NDUFA8: variants seen among roughly 807,000 people sequenced by gnomAD.
NDUFA8 encodes the protein NADH:ubiquinone oxidoreductase subunit A8, also known as NADH dehydrogenase [ubiquinone] 1 alpha subcomplex subunit 8.
Under a neutral mutation model 20.9 loss-of-function variants are expected in NDUFA8, and 16 were observed. The ratio of observed to expected loss-of-function variants is 0.77; its 90% CI spans 0.52 to 1.16. NDUFA8 has a LOEUF of 1.16. Among genes scored for constraint, NDUFA8 ranks in the 50% most tolerant of loss-of-function variants. NDUFA8 has a pLI of 0.00. For synonymous variants in NDUFA8, 70 were observed against 76.1 expected, an observed-to-expected ratio of 0.92 and a Z score of 0.41; for missense variants, 202 against 216.4, an observed-to-expected ratio of 0.93 and a Z score of 0.42.
chr9:122,144,457 G>T, intron 3 of NDUFA8, 79 bp from the exon 4 acceptor site: 2 of 1,328,558 alleles, frequency 1.5e-6, no homozygotes, highest in Non-Finnish European at 1.1e-6. Flanking sequence ...GCCTCCTGGT[G>T]TCTCCTCATT....
At chr9:122,144,736 T>C (rs1828876218) in intron 3 of NDUFA8, among the ~76,000 whole-genome samples, 1 of 152,168 alleles carries the variant, frequency 6.6e-6, no homozygotes, top group Non-Finnish European at 1.5e-5. Flanking sequence ...GAGCAAGGAC[T>C]GTGCACATCT....
chr9:122,142,825 C>A (rs1221056417), downstream of NDUFA8, among the ~76,000 whole-genome samples: 11 of 152,176 alleles, frequency 7.2e-5, no homozygotes, highest in African/African-American at 2.4e-4. Context: ...CATATAAACA[C>A]CAATCTGCAG....
At chr9:122,148,373 T>C (rs902740255) in intron 2 of NDUFA8, 96 bp from the exon 3 acceptor site, 1 of 1,418,968 alleles carries the variant, frequency 7.0e-7, no homozygotes, top group African/African-American at 1.4e-5. Context: ...ATACATAGCC[T>C]TGCTTTTTGA....
chr9:122,152,398 C>A lies in NDUFA8; in HGVS notation c.62G>T (p.Ser21Ile). The change falls in exon 2 of 4, where the codon AGT becomes ATT. Residue 21 changes from serine to isoleucine, a missense_variant. Ser to Ile is a moderately radical substitution (Grantham distance 142). Coordinates refer to ENST00000373768, the MANE Select transcript of NDUFA8 (RefSeq NM_014222.3). ...EELKVDEVKI[S>I]SAVLKAAAHH... ...GGCCGCAGCTTTAAGCACAGCAGAA[C>A]TAATTTTCACCTAGGAAAGGAAAGA... 6.2e-7 allele frequency: 1 copy of A among 1,614,112 alleles called. No homozygotes were observed. The highest frequency in any genetic ancestry group is 8.5e-7 in the Non-Finnish European group (1 of 1,180,014).
intron 2 of NDUFA8, among the ~76,000 whole-genome samples, chr9:122,151,496 C>T (rs995802294): frequency 1.3e-5 from 2 of 152,250 alleles, no homozygotes; most frequent in Non-Finnish European, 2.9e-5. Context: ...ATCAACAGAA[C>T]AGCAACTCGA....
At chr9:122,145,642 T>G (rs560740209) in intron 3 of NDUFA8, among the ~76,000 whole-genome samples, 2 of 152,316 alleles carry the variant, frequency 1.3e-5, no homozygotes, top group Admixed American at 1.3e-4. Flanking sequence ...CATTATTATC[T>G]CTAGTGCACA....
At chr9:122,134,961 C>T in the NDUFA8 span, among the ~76,000 whole-genome samples, 2 of 152,238 alleles carry the variant, frequency 1.3e-5, no homozygotes, top group Admixed American at 6.5e-5. Context: ...AGCTGCACAA[C>T]GGGTTCAAGC....
chr9:122,158,619 G>A (rs936901217), intron 1 of NDUFA8, among the ~76,000 whole-genome samples: 7 of 151,724 alleles, frequency 4.6e-5, no homozygotes, highest in African/African-American at 1.7e-4. Context: ...TACTCTCGGG[G>A]ACTAATTCCT....
At chr9:122,156,309 C>T (rs1239805555) in intron 1 of NDUFA8, among the ~76,000 whole-genome samples, 1 of 152,208 alleles carries the variant, frequency 6.6e-6, no homozygotes, top group Admixed American at 6.5e-5. Context: ...GAAACTGAGA[C>T]AAAGTCACCA....
At chr9:122,149,643 G>C (rs1588292586) in intron 2 of NDUFA8, among the ~76,000 whole-genome samples, 2 of 152,300 alleles carry the variant, frequency 1.3e-5, no homozygotes, top group South Asian at 4.1e-4. Context: ...AAAATGCTTT[G>C]CAAAAGTTCT....
intron 1 of NDUFA8, among the ~76,000 whole-genome samples, chr9:122,153,096 C>T (rs1829029154): frequency 6.6e-6 from 1 of 151,944 alleles, no homozygotes; most frequent in African/African-American, 2.4e-5. Context: ...GAAAGCTTGT[C>T]TTTAGTAAAG....
intron 1 of NDUFA8, among the ~76,000 whole-genome samples, chr9:122,152,928 C>G (rs1464539523): frequency 6.6e-6 from 1 of 151,994 alleles, no homozygotes; most frequent in Non-Finnish European, 1.5e-5. Flanking sequence ...GAGGAACCAA[C>G]TCTGGAGAGC....
At chr9:122,159,571 A>G in intron 1 of NDUFA8, 56 bp downstream of exon 1, 1 of 1,606,048 alleles carries the variant, frequency 6.2e-7, no homozygotes, top group Non-Finnish European at 8.5e-7. Flanking sequence ...GGCTAGGCCC[A>G]GGCCCGAGAA....
the NDUFA8 span, among the ~76,000 whole-genome samples, chr9:122,137,238 C>CTTTTTTTT: frequency 3.6e-4 from 38 of 106,580 alleles, 3 homozygotes; most frequent in Non-Finnish European, 4.4e-4. Context: ...TTTTCCTTTC[C>CTTTTTTTT]TTTTTTTTTT....
chr9:122,149,264 C>T (rs543928149), intron 2 of NDUFA8, among the ~76,000 whole-genome samples: 1 of 152,308 alleles, frequency 6.6e-6, no homozygotes, highest in Admixed American at 6.5e-5. Context: ...CCACCCTGCC[C>T]AATAAGCCAC....
intron 1 of NDUFA8, among the ~76,000 whole-genome samples, chr9:122,154,521 T>A (rs183184790): frequency 1.4e-3 from 210 of 152,374 alleles, no homozygotes; most frequent in Middle Eastern, 3.4e-3. Context: ...ACTGCTTGCT[T>A]GTATACTGTA....
At chr9:122,143,591 C>T (rs1239486083), downstream of NDUFA8, among the ~76,000 whole-genome samples, 1 of 152,186 alleles carries the variant, frequency 6.6e-6, no homozygotes. Context: ...CTCCACCTCC[C>T]TTGTCTATCA....
intron 1 of NDUFA8, among the ~76,000 whole-genome samples, chr9:122,155,834 C>T (rs987641691): frequency 1.1e-4 from 17 of 152,236 alleles, no homozygotes; most frequent in Admixed American, 4.6e-4. Flanking sequence ...AAAAGACTGA[C>T]GCATTATTTA....
At chr9:122,141,239 A>T (rs1343855321), downstream of NDUFA8, among the ~76,000 whole-genome samples, 1 of 152,202 alleles carries the variant, frequency 6.6e-6, no homozygotes, top group African/African-American at 2.4e-5. Context: ...GAATGCCAGT[A>T]AGGATTTGGG....
Sources: allele counts gnomAD v4.1 joint callset (sites outside exome capture counted in the v4.1 genomes callset), GRCh38; gene constraint gnomAD v4.1.1; transcripts MANE v1.5; gene names NCBI Gene and HGNC (gene_info 2026-07-23, HGNC 2026-07-21).